Variants in PAX7 observed in about 807,000 individuals in gnomAD.
The protein encoded by PAX7 is paired box protein Pax-7.
A neutral mutation model predicts 50.7 loss-of-function variants in PAX7; 18 were observed. The observed-to-expected ratio is 0.36, with a 90% confidence interval of 0.25 to 0.53. The LOEUF (loss-of-function observed/expected upper bound fraction) is 0.53. Among genes scored for constraint, PAX7 ranks in the 20% least tolerant of loss-of-function variants. PAX7 has a pLI of 0.93. For synonymous variants in PAX7, 310 were observed against 290.4 expected (o/e 1.07, Z -0.69); for missense variants, 644 against 702.9 (o/e 0.92, Z 0.95).
chr1:18,634,518 A>G lies in PAX7; in HGVS notation c.301A>G (p.Ile101Val). Reference sequence around the variant, plus strand: ...GACCGGGTCCATCCGGCCTGGGGCCATCGGCGGCAGCAAGCCCAGAGTGAG... The same window carrying G: ...GACCGGGTCCATCCGGCCTGGGGCCGTCGGCGGCAGCAAGCCCAGAGTGAG... ...QETGSIRPGA[I>V]GGSKPRQVAT... Residue 101 changes from isoleucine (I) to valine (V), a missense_variant, in exon 2 of 9, where the codon ATC (isoleucine) becomes GTC (valine). Coordinates refer to ENST00000420770, the MANE Select transcript of PAX7 (RefSeq NM_001135254.2). This position sits in a 1 kb window ranked among gnomAD's most constrained non-coding sequence, Gnocchi z 4.0. The G allele has an allele frequency of 6.2e-7, 1 of 1,613,952 alleles. No homozygotes were observed. Among genetic ancestry groups the G allele is most frequent in the Non-Finnish European group, 8.5e-7 (1 of 1,180,032 alleles).
intron 4 of PAX7, among the ~76,000 whole-genome samples, chr1:18,652,337 G>A (rs1570125014): frequency 1.3e-5 from 2 of 151,922 alleles, no homozygotes; most frequent in South Asian, 2.1e-4. Flanking sequence ...TGTGCCAGGC[G>A]CTATTCCTAG....
chr1:18,653,230 C>G (rs1332890164), intron 4 of PAX7, among the ~76,000 whole-genome samples: 1 of 151,200 alleles, frequency 6.6e-6, no homozygotes, highest in Non-Finnish European at 1.5e-5. Context: ...AATGGGCTTC[C>G]TGGCCCGCAT....
chr1:18,684,152 A>C (rs2088939772), intron 4 of PAX7, among the ~76,000 whole-genome samples: 1 of 152,178 alleles, frequency 6.6e-6, no homozygotes, highest in Non-Finnish European at 1.5e-5. Context: ...AAGCCCTGCC[A>C]TTGCTGGGGA....
chr1:18,710,714 G>A lies in PAX7; in HGVS notation c.1155+7418G>A, dbSNP rs146058378. Among the ~76,000 whole-genome samples, 32 of 152,198 alleles carry A rather than the reference G, an allele frequency of 2.1e-4. No homozygotes were observed. The East Asian group carries it at 5.6e-3, about 27-fold the overall frequency. The stretch of plus-strand genomic sequence containing the variant: ...GCTGAAAAATGAATTTGAATGCTGC[G>A]TTTGTCCACAATTACCCCCTCCTTC... On this transcript the variant is annotated intron_variant, in intron 7 of 8. Coordinates refer to ENST00000420770, the MANE Select transcript of PAX7 (RefSeq NM_001135254.2).
chr1:18,675,517 G>A (rs76119058), intron 4 of PAX7, among the ~76,000 whole-genome samples: 3,889 of 152,138 alleles, frequency 0.026, 154 homozygotes, highest in African/African-American at 0.084. Flanking sequence ...ATTGCATGCC[G>A]GTGCTGTCCT....
chr1:18,643,919 G>A (rs1363864228), intron 4 of PAX7, among the ~76,000 whole-genome samples: 4 of 152,242 alleles, frequency 2.6e-5, no homozygotes, highest in African/African-American at 9.6e-5. Flanking sequence ...CGTGCCTGGC[G>A]GTGTTGGGAC....
chr1:18,747,053 T>C lies in PAX7; in HGVS notation c.*2124T>C, dbSNP rs183400827. ...TCCCTTGGTAACCCAGTCCCTGCTT[T>C]TGTAGCTATCACAGCAGAAAGCAAC... is the stretch of plus-strand genomic sequence containing the variant. On this transcript the variant is annotated 3_prime_UTR_variant, in exon 9 of 9. Transcript: ENST00000420770. 43 of 230,084 alleles carry C rather than the reference T, an allele frequency of 1.9e-4. 1 individual carries two copies. The highest frequency in any genetic ancestry group is 9.3e-4 in the African/African-American group (42 of 45,260). 14.3% of individuals were successfully genotyped at this position (230,084 alleles called of 1,614,324 possible). A position where few individuals can be genotyped will look rare whatever the true frequency, so the allele number is the denominator to read the frequency against.
At chr1:18,640,294 C>T (rs942988074) in intron 4 of PAX7, among the ~76,000 whole-genome samples, 9 of 152,070 alleles carry the variant, frequency 5.9e-5, no homozygotes, top group African/African-American at 2.2e-4. Flanking sequence ...GGTTTTCGGT[C>T]GTTTGCTACA....
At chr1:18,648,430 C>A (rs1332726453) in intron 4 of PAX7, among the ~76,000 whole-genome samples, 1 of 151,034 alleles carries the variant, frequency 6.6e-6, no homozygotes, top group Non-Finnish European at 1.5e-5. Flanking sequence ...TAGCCACAAC[C>A]TCCCAGGCTC....
intron 6 of PAX7, among the ~76,000 whole-genome samples, chr1:18,702,281 C>T (rs2089232608): frequency 6.6e-6 from 1 of 151,880 alleles, no homozygotes; most frequent in African/African-American, 2.4e-5. Flanking sequence ...GGAGGTTGCA[C>T]GGAGCCCAGA....
Position 18,631,644 on chromosome 1 carries a change from C to A in PAX7, c.41C>A (p.Pro14Gln), listed in dbSNP as rs566629103. ...LPGTVPRMMR[P>Q]APGQNYPRTG... Reference sequence around the variant, plus strand: ...GGCACGGTACCGAGAATGATGCGGCCGGCTCCGGGGCAGAACTACCCCCGC... The same window carrying A: ...GGCACGGTACCGAGAATGATGCGGCAGGCTCCGGGGCAGAACTACCCCCGC... The change falls in exon 1 of 9, where the codon CCG becomes CAG. Residue 14 changes from proline to glutamine, a missense_variant. Coordinates refer to ENST00000420770, the MANE Select transcript of PAX7 (RefSeq NM_001135254.2). 2.5e-6 allele frequency: 4 copies of A among 1,613,252 alleles called. No individual in the cohort carries two copies. Among genetic ancestry groups the A allele is most frequent in the Admixed American group, 1.7e-5 (1 of 59,988 alleles).
chr1:18,636,363 G>A lies in PAX7; in HGVS notation c.578G>A (p.Gly193Asp). The change falls in exon 4 of 9, where the codon GGC (glycine) becomes GAC (aspartate). Residue 193 changes from glycine (G) to aspartate (D), a missense_variant. Coordinates refer to ENST00000420770, the MANE Select transcript of PAX7 (RefSeq NM_001135254.2). The surrounding 1 kb of genome is among the most constrained non-coding windows in gnomAD (Gnocchi z 5.1). ...AAACACAGCATCGACGGCATCCTGG[G>A]CGACAAAGGTAGGGAACTTCCCTGG... ...KAKHSIDGIL[G>D]DKGNRLDEGS... The A allele has an allele frequency of 6.2e-7, 1 of 1,614,204 alleles. No individual in the cohort carries two copies. The highest frequency in any genetic ancestry group is 8.5e-7 in the Non-Finnish European group (1 of 1,180,002).
chr1:18,717,365 G>C (rs1015311747), intron 7 of PAX7, among the ~76,000 whole-genome samples: 2 of 152,210 alleles, frequency 1.3e-5, no homozygotes, highest in Non-Finnish European at 2.9e-5. Flanking sequence ...CTGCTGGAGA[G>C]AGAGGCTCCC....
Position 18,735,826 on chromosome 1 carries a change from C to A in PAX7, c.1350C>A (p.Thr450=). 6.2e-7 allele frequency: 1 copy of A among 1,614,154 alleles called. No individual in the cohort carries two copies. Among genetic ancestry groups the A allele is most frequent in the Non-Finnish European group, 8.5e-7 (1 of 1,180,020 alleles). ...QAYCPPTYST[T]GYSVDPVAGY... The stretch of plus-strand genomic sequence containing the variant: ...ACTGCCCACCCACCTACAGCACCAC[C>A]GGCTACAGCGTGGACCCCGTGGCCG... Residue 450 remains threonine, a synonymous_variant, in exon 8 of 9, where the codon ACC becomes ACA. Transcript: ENST00000420770. This position sits in a 1 kb window ranked among gnomAD's most constrained non-coding sequence, Gnocchi z 4.0.
intron 1 of PAX7, 79 bp downstream of exon 1, chr1:18,631,767 G>A: frequency 6.8e-6 from 8 of 1,183,740 alleles, no homozygotes; most frequent in Non-Finnish European, 8.6e-6. Context: ...GGTCTCCAGG[G>A]GACGGTGGCG....
intron 7 of PAX7, among the ~76,000 whole-genome samples, chr1:18,719,811 A>G (rs2089473053): frequency 6.6e-6 from 1 of 150,730 alleles, no homozygotes; most frequent in Admixed American, 6.6e-5. Flanking sequence ...CAACTGGGTC[A>G]TATTCTGCTT....
chr1:18,731,301 G>A (rs2100396007), intron 7 of PAX7, among the ~76,000 whole-genome samples: 1 of 152,340 alleles, frequency 6.6e-6, no homozygotes, highest in East Asian at 1.9e-4. Context: ...CCAGAGGCCA[G>A]CGAGGGGCAT....
At chr1:18,717,036 T>TCCGCCG (rs943235434) in intron 7 of PAX7, among the ~76,000 whole-genome samples, 1 of 149,338 alleles carries the variant, frequency 6.7e-6, no homozygotes, top group East Asian at 2.1e-4. Context: ...CTCCCCGCGC[T>TCCGCCG]CCGCCGCCGC....
At chr1:18,727,476 C>T (rs748162129) in intron 7 of PAX7, among the ~76,000 whole-genome samples, 1 of 151,984 alleles carries the variant, frequency 6.6e-6, no homozygotes, top group Non-Finnish European at 1.5e-5. Context: ...CAGCCAGGCA[C>T]AAGGCGATCA....
Sources: gnomAD v4.1 joint callset for allele counts (sites outside exome capture counted in the v4.1 genomes callset) on GRCh38, gnomAD v4.1.1 for gene constraint, Gnocchi (gnomAD v3.1) non-coding constraint, MANE v1.5 for transcripts, NCBI Gene and HGNC (gene_info 2026-07-23, HGNC 2026-07-21) for gene names.